TBCK: variants seen among roughly 807,000 people sequenced by gnomAD.
TBCK encodes TBC1 domain containing kinase, also known as TBC domain-containing protein kinase-like protein.
TBCK carries 99 observed loss-of-function variants against 113.4 expected under a neutral mutation model. The ratio of observed to expected loss-of-function variants is 0.87; its 90% CI spans 0.74 to 1.03. The LOEUF (loss-of-function observed/expected upper bound fraction) is 1.03. TBCK is among the 50% of genes least tolerant of loss of function. The pLI, the probability that TBCK is intolerant of heterozygous loss-of-function variation, is 0.00. For synonymous variants in TBCK, 369 were observed against 370.8 expected (o/e 1.00, Z 0.05); for missense variants, 1,045 against 1,061.3 (o/e 0.98, Z 0.21).
chr4:106,209,511 T>C (rs949780918), intron 20 of TBCK, among the ~76,000 whole-genome samples: 3 of 152,218 alleles, frequency 2.0e-5, no homozygotes, highest in South Asian at 2.1e-4. Flanking sequence ...AAAATACAAA[T>C]ATAATATTCC....
At chr4:106,125,682 C>A (rs764104937) in intron 23 of TBCK, among the ~76,000 whole-genome samples, 1 of 151,714 alleles carries the variant, frequency 6.6e-6, no homozygotes, top group South Asian at 2.1e-4. Flanking sequence ...GAGAGTAGAA[C>A]AGTAGTTGCT....
chr4:106,142,487 T>C (rs141514702), intron 23 of TBCK, among the ~76,000 whole-genome samples: 7 of 152,350 alleles, frequency 4.6e-5, no homozygotes, highest in African/African-American at 1.7e-4. Context: ...CATGGCCTAT[T>C]TATTTTGCAC....
At chr4:106,212,081 C>T (rs1756205901) in intron 20 of TBCK, among the ~76,000 whole-genome samples, 1 of 151,856 alleles carries the variant, frequency 6.6e-6, no homozygotes, top group Admixed American at 6.6e-5. Context: ...TCCTTTGCAC[C>T]CACGCTACCA....
intron 3 of TBCK, among the ~76,000 whole-genome samples, chr4:106,288,060 A>T (rs189761491): frequency 1.8e-4 from 28 of 151,738 alleles, no homozygotes; most frequent in Admixed American, 1.6e-3. Context: ...TTTCTCTATG[A>T]GGGATTGAGA....
At chr4:106,122,980 T>C (rs1025817174) in intron 23 of TBCK, among the ~76,000 whole-genome samples, 7 of 152,162 alleles carry the variant, frequency 4.6e-5, no homozygotes, top group Admixed American at 2.6e-4. Context: ...CAGGGATGCC[T>C]TCTCTCACCA....
intron 20 of TBCK, 27 bp downstream of exon 20, chr4:106,212,723 T>C (rs371778361): frequency 2.0e-5 from 30 of 1,477,092 alleles, no homozygotes; most frequent in Non-Finnish European, 2.6e-5. Context: ...TTTAACCACA[T>C]GTTCTATTAA....
At chr4:106,273,512 T>A (rs1320029624) in intron 3 of TBCK, among the ~76,000 whole-genome samples, 1 of 152,184 alleles carries the variant, frequency 6.6e-6, no homozygotes, top group Non-Finnish European at 1.5e-5. Context: ...TTTGTGCACA[T>A]CCTCACCCCT....
At chr4:106,259,166 A>G (rs548508875) in intron 5 of TBCK, among the ~76,000 whole-genome samples, 1 of 152,050 alleles carries the variant, frequency 6.6e-6, no homozygotes, top group East Asian at 1.9e-4. Context: ...CTATGTCTTA[A>G]TAATAAGACA....
At chr4:106,180,396 TTTA>T in intron 22 of TBCK, among the ~76,000 whole-genome samples, 1 of 152,030 alleles carries the variant, frequency 6.6e-6, no homozygotes, top group East Asian at 1.9e-4. Flanking sequence ...CCTCCTTCTT[TTTA>T]TTATACTTTA....
chr4:106,302,532 C>T (rs1767058051), intron 2 of TBCK, among the ~76,000 whole-genome samples: 1 of 151,904 alleles, frequency 6.6e-6, no homozygotes, highest in South Asian at 2.1e-4. Context: ...GAAAAGGAGG[C>T]CTAGGAACAG....
At chr4:106,135,702 A>G (rs906983226) in intron 23 of TBCK, among the ~76,000 whole-genome samples, 1 of 141,822 alleles carries the variant, frequency 7.1e-6, no homozygotes, top group African/African-American at 2.5e-5. Flanking sequence ...CTGAATACCT[A>G]TTAGGTACCA....
In TBCK at chr4:106,043,294, A is replaced by G. The variant is rs949102464; in HGVS notation, c.*3276T>C. 4 of 152,092 alleles carry G rather than the reference A, an allele frequency of 2.6e-5. No individual in the cohort carries two copies. Among genetic ancestry groups the G allele is most frequent in the Non-Finnish European group, 2.9e-5 (2 of 68,022 alleles). 9.4% of individuals were successfully genotyped at this position (152,092 alleles called of 1,614,324 possible). ...AACTTCTAGAATTATCAGATTTTAGAGCTGGATGGGACTTTAGAGATCCTT... is the reference window on the plus strand; with the variant it reads ...AACTTCTAGAATTATCAGATTTTAGGGCTGGATGGGACTTTAGAGATCCTT... On this transcript the variant is annotated 3_prime_UTR_variant, in exon 26 of 26. Transcript: ENST00000394708.
chr4:106,254,413 C>G (rs922374724), intron 5 of TBCK, among the ~76,000 whole-genome samples: 2 of 152,222 alleles, frequency 1.3e-5, no homozygotes, highest in African/African-American at 4.8e-5. Context: ...TTTTACTGCA[C>G]AGTTGTTCTT....
intron 3 of TBCK, among the ~76,000 whole-genome samples, chr4:106,288,828 A>G (rs1765386966): frequency 6.6e-6 from 1 of 152,256 alleles, no homozygotes. Flanking sequence ...CAAGTAGAAA[A>G]TTCCACACAT....
At chr4:106,274,655 G>C (rs1159820342) in intron 3 of TBCK, among the ~76,000 whole-genome samples, 1 of 152,174 alleles carries the variant, frequency 6.6e-6, no homozygotes, top group African/African-American at 2.4e-5. Context: ...TGGATTAGTG[G>C]TTTCCAGGGG....
At chr4:106,311,087 T>C (rs1768148775) in intron 1 of TBCK, among the ~76,000 whole-genome samples, 1 of 152,020 alleles carries the variant, frequency 6.6e-6, no homozygotes, top group South Asian at 2.1e-4. Context: ...CACATAATGT[T>C]AGAAGGATGT....
chr4:106,161,700 C>CTGTG (rs35152957), intron 23 of TBCK, among the ~76,000 whole-genome samples: 73 of 146,450 alleles, frequency 5.0e-4, no homozygotes, highest in Admixed American at 1.1e-3. Context: ...TTAGGTGTGT[C>CTGTG]TGTGTGTGTG....
chr4:106,156,156 T>TA (rs1045170895), intron 23 of TBCK, among the ~76,000 whole-genome samples: 19 of 152,148 alleles, frequency 1.2e-4, no homozygotes, highest in African/African-American at 4.6e-4. Context: ...TTCATGGTCT[T>TA]AGATAAGATC....
In TBCK at chr4:106,109,319, C is replaced by T. The variant is rs564323958; in HGVS notation, c.2411+6884G>A. Among the ~76,000 whole-genome samples, 9 of 152,168 alleles carry T rather than the reference C, an allele frequency of 5.9e-5. 1 individual carries two copies. The East Asian group carries it at 1.2e-3, about 20-fold the overall frequency. Reference sequence around the variant, plus strand: ...CAAAAAAGGGCCCGAATATCCAAGACGATGCTAAGCAAAAAGAAGAAAGCT... The same window carrying T: ...CAAAAAAGGGCCCGAATATCCAAGATGATGCTAAGCAAAAAGAAGAAAGCT... On this transcript the variant is annotated intron_variant, in intron 24 of 25. Transcript: ENST00000394708.
Sources: gnomAD v4.1 joint callset for allele counts (sites outside exome capture counted in the v4.1 genomes callset) on GRCh38, gnomAD v4.1.1 for gene constraint, MANE v1.5 for transcripts, NCBI Gene and HGNC (gene_info 2026-07-23, HGNC 2026-07-21) for gene names.